Variants in QSOX2 observed in about 807,000 individuals in gnomAD.
QSOX2 encodes sulfhydryl oxidase 2.
A neutral mutation model predicts 61.7 loss-of-function variants in QSOX2; 46 were observed. The ratio of observed to expected loss-of-function variants is 0.75; its 90% CI spans 0.59 to 0.95. The LOEUF is 0.95. Among genes scored for constraint, QSOX2 ranks in the 40% least tolerant of loss-of-function variants. The pLI, the probability that QSOX2 is intolerant of heterozygous loss-of-function variation, is 0.00. For synonymous variants in QSOX2, 383 were observed against 388.4 expected (o/e 0.99, Z 0.16); for missense variants, 879 against 918.9 (o/e 0.96, Z 0.56).
At chr9:136,225,385 G>A (rs1307493580) in intron 2 of QSOX2, among the ~76,000 whole-genome samples, 2 of 152,218 alleles carry the variant, frequency 1.3e-5, no homozygotes, top group Non-Finnish European at 2.9e-5. Context: ...ACAGCGACGA[G>A]ACAAGGTTAC....
chr9:136,228,367 G>A (rs1057203374), intron 1 of QSOX2, among the ~76,000 whole-genome samples: 1 of 152,186 alleles, frequency 6.6e-6, no homozygotes, highest in Non-Finnish European at 1.5e-5. Context: ...TGCCTGGCTC[G>A]TGCTTCAGTC....
Position 136,221,788 on chromosome 9 carries a change from GC to G in QSOX2, c.821+7del. On this transcript the variant is annotated splice_region_variant and intron_variant, in intron 6 of 11. Transcript: ENST00000358701. The surrounding 1 kb of genome is among the most constrained non-coding windows in gnomAD (Gnocchi z 4.5). ...CACGGAGTTCCCAGACCCCACCCGG[GC>G]ACTCACACGTTAATCAATCCATGCG... 1 of 1,588,420 alleles carries G rather than the reference GC, an allele frequency of 6.3e-7. No homozygotes were observed. Among genetic ancestry groups the G allele is most frequent in the African/African-American group, 1.3e-5 (1 of 74,290 alleles).
chr9:136,217,276 G>C (rs1831925727), intron 8 of QSOX2, among the ~76,000 whole-genome samples: 2 of 152,346 alleles, frequency 1.3e-5, no homozygotes, highest in South Asian at 4.1e-4. Context: ...AGATCCCAGG[G>C]CTCTGTCTTT....
Position 136,226,655 on chromosome 9 carries a change from G to T in QSOX2, c.429+119C>A, listed in dbSNP as rs572050277. 6.1e-6 allele frequency: 5 copies of T among 826,082 alleles called. No homozygotes were observed. The East Asian group carries it at 1.2e-4, about 20-fold the overall frequency. The allele number at this position is 826,082 out of a possible 1,614,324, so 51.2% of individuals were successfully genotyped here. A position where few individuals can be genotyped will look rare whatever the true frequency, so the allele number is the denominator to read the frequency against. Reference sequence around the variant, plus strand: ...AAGTTCCAAGGAGAGAGCCAGAGAAGCCGAAAACACAGGCACTATGATGTG... The same window carrying T: ...AAGTTCCAAGGAGAGAGCCAGAGAATCCGAAAACACAGGCACTATGATGTG... On this transcript the variant is annotated intron_variant, in intron 2 of 11. Transcript: ENST00000358701.
intron 2 of QSOX2, among the ~76,000 whole-genome samples, chr9:136,226,134 A>G (rs1475347289): frequency 6.6e-6 from 1 of 152,218 alleles, no homozygotes; most frequent in Non-Finnish European, 1.5e-5. Flanking sequence ...ACAAGGACGG[A>G]GTTTTACTCA....
chr9:136,241,215 A>G (rs1830431024), intron 1 of QSOX2, among the ~76,000 whole-genome samples: 1 of 152,094 alleles, frequency 6.6e-6, no homozygotes, highest in Admixed American at 6.5e-5. Flanking sequence ...GCCCGTAAGG[A>G]GACAGGAGGC....
Position 136,221,487 on chromosome 9 carries a change from G to A in QSOX2, c.821+309C>T, listed in dbSNP as rs565469068. 6.6e-6 allele frequency among the ~76,000 whole-genome samples: 1 copy of A among 152,364 alleles called. No individual in the cohort carries two copies. The highest frequency in any genetic ancestry group is 1.5e-5 in the Non-Finnish European group (1 of 68,038). The stretch of plus-strand genomic sequence containing the variant: ...TTTAGGAGCATCGGCTGCTCCCAAA[G>A]CCCCGGCCCAGCAGCCCTCATGCAT... On this transcript the variant is annotated intron_variant, in intron 6 of 11. Transcript: ENST00000358701. The surrounding 1 kb of genome is among the most constrained non-coding windows in gnomAD (Gnocchi z 4.5).
chr9:136,238,314 G>A lies in QSOX2; in HGVS notation c.328+7162C>T, dbSNP rs1023229401. On this transcript the variant is annotated intron_variant, in intron 1 of 11. Transcript: ENST00000358701. ...GGGCAGGAGCGAAACACGCTGCTCC[G>A]CATCTCAGGTGCGTGCCCACCTCCC... Among the ~76,000 whole-genome samples the A allele has an allele frequency of 7.9e-5, 12 of 152,226 alleles. 1 individual carries two copies. The highest frequency in any genetic ancestry group is 3.3e-4 in the Admixed American group (5 of 15,290).
rs182970109 is a variant in QSOX2 at position 136,238,595 on chromosome 9, C to T, written c.328+6881G>A. ...CTCCTCCCACCTGGCTGTGCCAACC[C>T]TCCCTCTGCCCCTCAGGCCCCAGCT... On this transcript the variant is annotated intron_variant, in intron 1 of 11. Transcript: ENST00000358701. 2.8e-3 allele frequency among the ~76,000 whole-genome samples: 427 copies of T among 152,352 alleles called. 1 individual carries two copies. Among genetic ancestry groups the T allele is most frequent in the Non-Finnish European group, 5.0e-3 (343 of 68,036 alleles).
chr9:136,217,243 C>A (rs1329961783), intron 8 of QSOX2, among the ~76,000 whole-genome samples: 1 of 152,236 alleles, frequency 6.6e-6, no homozygotes, highest in Non-Finnish European at 1.5e-5. Context: ...ATCAACACAG[C>A]TTGGGGAGGC....
chr9:136,225,884 A>T (rs1254762827), intron 2 of QSOX2, among the ~76,000 whole-genome samples: 1 of 152,274 alleles, frequency 6.6e-6, no homozygotes, highest in Non-Finnish European at 1.5e-5. Flanking sequence ...CTGTGTCTGA[A>T]GCAAAATCAA....
chr9:136,221,956 C>T lies in QSOX2; in HGVS notation c.676-15G>A, dbSNP rs775682100. On this transcript the variant is annotated splice_polypyrimidine_tract_variant and intron_variant, in intron 5 of 11. Coordinates refer to ENST00000358701, the MANE Select transcript of QSOX2 (RefSeq NM_181701.4). The surrounding 1 kb of genome is among the most constrained non-coding windows in gnomAD (Gnocchi z 4.5). ...TCTAAGATCACCTGGGGGATGAGAACACAATGACACTTCCACAGGGGCTGG... is the reference window on the plus strand; with the variant it reads ...TCTAAGATCACCTGGGGGATGAGAATACAATGACACTTCCACAGGGGCTGG... 22 of 1,563,974 alleles carry T rather than the reference C, an allele frequency of 1.4e-5. No homozygotes were observed. In the East Asian group the frequency reaches 5.1e-4, roughly 36 times the overall value.
intron 10 of QSOX2, 52 bp from the exon 11 acceptor site, chr9:136,211,504 A>C (rs1588632014): frequency 1.9e-6 from 3 of 1,565,450 alleles, no homozygotes; most frequent in Non-Finnish European, 2.6e-6. Context: ...GCATCACCTG[A>C]CCCCACGCTT....
In QSOX2 at chr9:136,209,769, G is replaced by C. The variant is rs1831823611; in HGVS notation, c.1550-494C>G. ...ACAGTGGGCCTTAGGTGCACCTTCA[G>C]GAAAGGGCAGAGGGGCAGCAATGAA... On this transcript the variant is annotated intron_variant, in intron 11 of 11. Coordinates refer to ENST00000358701, the MANE Select transcript of QSOX2 (RefSeq NM_181701.4). The surrounding 1 kb of genome is among the most constrained non-coding windows in gnomAD (Gnocchi z 5.6). 5.1e-6 allele frequency: 5 copies of C among 985,012 alleles called. No individual in the cohort carries two copies. In the South Asian group the frequency reaches 2.3e-4, roughly 46 times the overall value. 61.0% of individuals were successfully genotyped at this position (985,012 alleles called of 1,614,324 possible). A position where few individuals can be genotyped will look rare whatever the true frequency, so the allele number is the denominator to read the frequency against.
At chr9:136,224,549 G>C (rs917443204) in intron 3 of QSOX2, among the ~76,000 whole-genome samples, 1 of 152,226 alleles carries the variant, frequency 6.6e-6, no homozygotes, top group African/African-American at 2.4e-5. Flanking sequence ...ATGCTCGGCT[G>C]GGTGGGATCA....
intron 3 of QSOX2, 62 bp downstream of exon 3, chr9:136,224,799 G>T: frequency 8.3e-7 from 1 of 1,197,628 alleles, no homozygotes; most frequent in Non-Finnish European, 1.2e-6. Context: ...CTGGGACCGT[G>T]TGTCTTTAGC....
chr9:136,210,260 G>T, intron 11 of QSOX2: 2 of 985,514 alleles, frequency 2.0e-6, no homozygotes, highest in Non-Finnish European at 2.4e-6. Context: ...CCTCCCAGGA[G>T]CTTGGGTCTC....
Position 136,218,630 on chromosome 9 carries a change from G to A in QSOX2, c.1086+49C>T, listed in dbSNP as rs1333659369. ...TCCGACGCCCCCCAGGGCCCACTCTGTGCAGAGCCAAATTCCCACATGCAG... is the reference window on the plus strand; with the variant it reads ...TCCGACGCCCCCCAGGGCCCACTCTATGCAGAGCCAAATTCCCACATGCAG... On this transcript the variant is annotated intron_variant, in intron 8 of 11. Coordinates refer to ENST00000358701, the MANE Select transcript of QSOX2 (RefSeq NM_181701.4). 6 of 1,592,748 alleles carry A rather than the reference G, an allele frequency of 3.8e-6. No homozygotes were observed. In the African/African-American group the frequency reaches 5.4e-5, roughly 14 times the overall value.
At chr9:136,218,551 G>A in intron 8 of QSOX2, 128 bp downstream of exon 8, 1 of 1,166,892 alleles carries the variant, frequency 8.6e-7, no homozygotes, top group Admixed American at 2.8e-5. Flanking sequence ...GTGGGCCTGG[G>A]CGACAAAGCA....
Sources: allele counts gnomAD v4.1 joint callset (sites outside exome capture counted in the v4.1 genomes callset), GRCh38; gene constraint gnomAD v4.1.1; non-coding constraint Gnocchi (gnomAD v3.1); transcripts MANE v1.5; gene names NCBI Gene and HGNC (gene_info 2026-07-23, HGNC 2026-07-21).